Variants in ECHDC1 observed in about 807,000 individuals in gnomAD.
ECHDC1 encodes the protein ethylmalonyl-CoA decarboxylase 1, also known as ethylmalonyl-CoA decarboxylase.
ECHDC1 carries 29 observed loss-of-function variants against 29.7 expected under a neutral mutation model. That is an observed-to-expected ratio of 0.98 (90% CI 0.73 to 1.33). ECHDC1 has a LOEUF of 1.33. Among genes scored for constraint, ECHDC1 ranks in the 40% most tolerant of loss-of-function variants. The pLI is 0.00. For missense variants in ECHDC1, 328 were observed against 350.0 expected (o/e 0.94, Z 0.50); for synonymous variants, 126 against 123.1 (o/e 1.02, Z -0.15).
intron 5 of ECHDC1, among the ~76,000 whole-genome samples, chr6:127,309,094 G>A (rs953423606): frequency 1.3e-5 from 2 of 151,742 alleles, no homozygotes; most frequent in Non-Finnish European, 2.9e-5. Context: ...CACATAAATC[G>A]AAAAAAAGAT....
intron 4 of ECHDC1, chr6:127,316,044 A>C (rs1031393346): frequency 6.4e-6 from 3 of 470,716 alleles, no homozygotes; most frequent in Admixed American, 2.4e-5. Context: ...TCTTTTTCTC[A>C]TCTCCTCTGG....
intron 5 of ECHDC1, among the ~76,000 whole-genome samples, chr6:127,299,642 T>C (rs1780901645): frequency 1.3e-5 from 2 of 152,178 alleles, no homozygotes; most frequent in East Asian, 1.9e-4. Flanking sequence ...TTACAGTTAA[T>C]ACTGTCTTCT....
At chr6:127,336,734 C>T (rs1034411037) in intron 1 of ECHDC1, among the ~76,000 whole-genome samples, 3 of 151,880 alleles carry the variant, frequency 2.0e-5, no homozygotes, top group African/African-American at 2.4e-5. Context: ...TTCAAGTCTA[C>T]GGAAAATGGA....
At chr6:127,296,085 G>A (rs765327789) in intron 5 of ECHDC1, among the ~76,000 whole-genome samples, 18 of 152,258 alleles carry the variant, frequency 1.2e-4, no homozygotes, top group Admixed American at 3.3e-4. Flanking sequence ...GAAGAAACAC[G>A]CATGAACTTT....
At chr6:127,311,351 A>G (rs942304803) in intron 5 of ECHDC1, among the ~76,000 whole-genome samples, 1 of 152,160 alleles carries the variant, frequency 6.6e-6, no homozygotes, top group African/African-American at 2.4e-5. Flanking sequence ...AAAGGACAGA[A>G]AAAGATACAC....
chr6:127,336,788 T>C (rs570332788), intron 1 of ECHDC1, among the ~76,000 whole-genome samples: 1 of 152,198 alleles, frequency 6.6e-6, no homozygotes, highest in South Asian at 2.1e-4. Flanking sequence ...AATTACAAAG[T>C]GTGAAGTGGT....
At chr6:127,326,398 G>A (rs1245059984) in intron 3 of ECHDC1, 4 of 302,308 alleles carry the variant, frequency 1.3e-5, no homozygotes, top group Admixed American at 1.2e-4. Flanking sequence ...TCAATGAAAT[G>A]TCTTTTCTTC....
intron 2 of ECHDC1, among the ~76,000 whole-genome samples, chr6:127,328,949 C>T (rs937479285): frequency 1.3e-5 from 2 of 152,070 alleles, no homozygotes; most frequent in Non-Finnish European, 2.9e-5. Context: ...ATGGCGTAAA[C>T]CCGGGAGGCA....
intron 5 of ECHDC1, among the ~76,000 whole-genome samples, chr6:127,297,297 T>C (rs950839457): frequency 3.9e-5 from 6 of 152,218 alleles, no homozygotes; most frequent in Non-Finnish European, 7.3e-5. Flanking sequence ...CTAAAAAGTA[T>C]AGATAAAGTT....
At chr6:127,322,727 C>T (rs1162188096) in intron 3 of ECHDC1, among the ~76,000 whole-genome samples, 1 of 151,472 alleles carries the variant, frequency 6.6e-6, no homozygotes, top group East Asian at 1.9e-4. Context: ...GAAAAAGAAT[C>T]GTGGTCACAT....
intron 4 of ECHDC1, chr6:127,315,459 A>G: frequency 4.3e-6 from 1 of 231,562 alleles, no homozygotes; most frequent in South Asian, 5.6e-5. Context: ...TGCAGTAAAA[A>G]TAAATCTTTT....
intron 5 of ECHDC1, among the ~76,000 whole-genome samples, chr6:127,310,609 A>C (rs6936621): frequency 0.13 from 19,950 of 152,232 alleles, 2,572 homozygotes; most frequent in East Asian, 0.56. Context: ...GGATGAACAA[A>C]ATATGTGGTT....
intron 2 of ECHDC1, among the ~76,000 whole-genome samples, chr6:127,330,351 A>C (rs1783810724): frequency 1.3e-5 from 2 of 152,206 alleles, no homozygotes; most frequent in African/African-American, 4.8e-5. Flanking sequence ...GTAACCATGG[A>C]ATTAAAAGGT....
intron 1 of ECHDC1, chr6:127,341,466 T>G (rs1276595025): frequency 2.6e-5 from 4 of 151,930 alleles, no homozygotes; most frequent in South Asian, 2.1e-4. Flanking sequence ...AAACGATTGG[T>G]TTTTTTTGGA....
rs568892801 is a variant in ECHDC1, at chr6:127,332,648, C to A, written c.-2-1618G>T. Among the ~76,000 whole-genome samples, 7 of 152,270 alleles carry A rather than the reference C, an allele frequency of 4.6e-5. No homozygotes were observed. The South Asian group carries it at 1.2e-3, about 27-fold the overall frequency. ...TAGATAATAGACAAAAGGTTGCATT[C>A]TTTTGAGTACCTCATCAGCCTTCTA... On this transcript the variant is annotated intron_variant, in intron 1 of 5. Coordinates refer to ENST00000454859, the MANE Select transcript of ECHDC1 (RefSeq NM_001002030.2).
chr6:127,300,856 GTGT>G (rs1781001098), intron 5 of ECHDC1, among the ~76,000 whole-genome samples: 1 of 152,180 alleles, frequency 6.6e-6, no homozygotes, highest in African/African-American at 2.4e-5. Flanking sequence ...AGATAATAAC[GTGT>G]TGTTTTAAGC....
chr6:127,321,463 G>A (rs975303179), intron 3 of ECHDC1, among the ~76,000 whole-genome samples: 2 of 152,044 alleles, frequency 1.3e-5, no homozygotes, highest in African/African-American at 4.8e-5. Context: ...CAAGTATATA[G>A]GAATATAGTT....
intron 5 of ECHDC1, among the ~76,000 whole-genome samples, chr6:127,309,882 C>G (rs532557627): frequency 3.9e-5 from 6 of 152,226 alleles, no homozygotes; most frequent in African/African-American, 1.4e-4. Flanking sequence ...TTTAAACCAC[C>G]AGTTCTTGTG....
chr6:127,310,182 CT>C (rs1441177503), intron 5 of ECHDC1, among the ~76,000 whole-genome samples: 2 of 151,956 alleles, frequency 1.3e-5, no homozygotes, highest in Non-Finnish European at 2.9e-5. Context: ...AACAGGGTGA[CT>C]ATAGTTAATA....
Sources: allele counts gnomAD v4.1 joint callset (sites outside exome capture counted in the v4.1 genomes callset), GRCh38; gene constraint gnomAD v4.1.1; transcripts MANE v1.5; gene names NCBI Gene and HGNC (gene_info 2026-07-23, HGNC 2026-07-21).